UNC5B: variants seen among roughly 807,000 people sequenced by gnomAD.
The protein encoded by UNC5B is unc-5 netrin receptor B, also known as netrin receptor UNC5B.
In UNC5B, 56 loss-of-function variants were observed where a neutral mutation model predicts 103.7. The ratio of observed to expected loss-of-function variants is 0.54; its 90% confidence interval spans 0.44 to 0.67. UNC5B has a LOEUF of 0.67. Among genes scored for constraint, UNC5B ranks in the 30% least tolerant of loss-of-function variants. UNC5B has a pLI of 0.00. For synonymous variants in UNC5B, 577 were observed against 542.0 expected, an observed-to-expected ratio of 1.06 and a Z score of -0.90; for missense variants, 1,194 against 1,284.5, an observed-to-expected ratio of 0.93 and a Z score of 1.08.
At position 71,213,728 on chromosome 10, in the gene UNC5B, A is replaced by AGAGAGAGTGTGTGTGT. The variant is rs144371231; in HGVS notation, c.79+665_79+666insAGAGAGTGTGTGTGTG. On this transcript the variant is annotated intron_variant, in intron 1 of 16. Transcript: ENST00000335350. This position sits in a 1 kb window ranked among gnomAD's most constrained non-coding sequence, Gnocchi z 4.1. ...ATTATTAATTTTCTGAGTGTTGGAG[A>AGAGAGAGTGTGTGTGT]GTGTGTGTGTGTGTGTGTGTGTGTG... Among the ~76,000 whole-genome samples, 1 of 131,474 alleles carries AGAGAGAGTGTGTGTGT rather than the reference A, an allele frequency of 7.6e-6. No individual in the cohort carries two copies. Among genetic ancestry groups the AGAGAGAGTGTGTGTGT allele is most frequent in the African/African-American group, 2.9e-5 (1 of 34,208 alleles). The allele number at this position is 131,474 out of a possible 152,430, so 86.3% of individuals were successfully genotyped here.
In UNC5B at chr10:71,287,729, G is replaced by A. The variant is rs759786367; in HGVS notation, c.865G>A (p.Ala289Thr). The A allele has an allele frequency of 1.2e-6, 2 of 1,612,876 alleles. No homozygotes were observed. The highest frequency in any genetic ancestry group is 1.7e-6 in the Non-Finnish European group (2 of 1,179,356). ...CGGAGGGGCCTTCTGCGAGGGCCAGGCATTCCAGAAGACCGCCTGCACCAC... is the reference window on the plus strand; with the variant it reads ...CGGAGGGGCCTTCTGCGAGGGCCAGACATTCCAGAAGACCGCCTGCACCAC... ...LNGGAFCEGQAFQKTACTTIC... is the reference protein window; with the variant it reads ...LNGGAFCEGQTFQKTACTTIC... Residue 289 changes from alanine (A) to threonine (T), a missense_variant, in exon 6 of 17, where the codon GCA (alanine) becomes ACA (threonine). Transcript: ENST00000335350.
rs1229978733 is a variant in UNC5B at position 71,288,656 on chromosome 10, A to T, written c.990A>T (p.Pro330=). Residue 330 remains proline, a synonymous_variant, in exon 7 of 17, where the codon CCA becomes CCT. Coordinates refer to ENST00000335350, the MANE Select transcript of UNC5B (RefSeq NM_170744.5). ...HWRSRECMAP[P]PQNGGRDCSG... ...GTAGCCGCGAGTGCATGGCGCCCCCACCCCAGAACGGAGGCCGTGACTGCA... is the reference window on the plus strand; with the variant it reads ...GTAGCCGCGAGTGCATGGCGCCCCCTCCCCAGAACGGAGGCCGTGACTGCA... 1.9e-6 allele frequency: 3 copies of T among 1,613,154 alleles called. No individual in the cohort carries two copies. In the Admixed American group the frequency reaches 5.0e-5, roughly 27 times the overall value.
intron 1 of UNC5B, among the ~76,000 whole-genome samples, chr10:71,245,378 T>C (rs1844006037): frequency 6.6e-6 from 1 of 152,180 alleles, no homozygotes; most frequent in South Asian, 2.1e-4. Context: ...AGCTCTGTCT[T>C]ATTGATGGGG....
intron 1 of UNC5B, among the ~76,000 whole-genome samples, chr10:71,225,484 T>A (rs149866555): frequency 5.3e-5 from 8 of 152,126 alleles, no homozygotes; most frequent in African/African-American, 1.9e-4. Flanking sequence ...CCTGACCCCA[T>A]TGCACACCCC....
chr10:71,235,059 C>G (rs1227197579), intron 1 of UNC5B, among the ~76,000 whole-genome samples: 1 of 152,178 alleles, frequency 6.6e-6, no homozygotes, highest in Non-Finnish European at 1.5e-5. Context: ...AATGCCGGGC[C>G]CCTATTGCAG....
In UNC5B at chr10:71,300,269, G is replaced by A. The variant is rs1017084869; in HGVS notation, c.*992G>A. On this transcript the variant is annotated 3_prime_UTR_variant, in exon 17 of 17. Transcript: ENST00000335350. ...GATGCTGAATCCATAAAGCCAAGGAGTGCTGAGGGCTGGAGTGGGTGGGCC... is the reference window on the plus strand; with the variant it reads ...GATGCTGAATCCATAAAGCCAAGGAATGCTGAGGGCTGGAGTGGGTGGGCC... 2.0e-5 allele frequency: 3 copies of A among 152,224 alleles called. No individual in the cohort carries two copies. The East Asian group carries it at 5.8e-4, about 29-fold the overall frequency. 9.4% of individuals were successfully genotyped at this position (152,224 alleles called of 1,614,324 possible). A position where few individuals can be genotyped will look rare whatever the true frequency, so the allele number is the denominator to read the frequency against.
At chr10:71,292,176 G>A (rs972741709) in intron 10 of UNC5B, among the ~76,000 whole-genome samples, 38 of 152,296 alleles carry the variant, frequency 2.5e-4, no homozygotes, top group Admixed American at 2.5e-3. Context: ...TGCAAAGCCA[G>A]CAATTAACAG....
Position 71,296,956 on chromosome 10 carries a change from G to C in UNC5B, c.2490+214G>C, listed in dbSNP as rs543548963. ...ACGCTGGCGGAGGTGAGGGAAGGGC[G>C]GCCAGATATTCCGGCTGCACACCAC... On this transcript the variant is annotated intron_variant, in intron 15 of 16. Coordinates refer to ENST00000335350, the MANE Select transcript of UNC5B (RefSeq NM_170744.5). Among the ~76,000 whole-genome samples the C allele has an allele frequency of 5.0e-5, 7 of 139,848 alleles. No homozygotes were observed. The East Asian group carries it at 6.5e-4, about 13-fold the overall frequency. The allele number at this position is 139,848 out of a possible 152,430, so 91.7% of individuals were successfully genotyped here.
At chr10:71,236,343 C>T (rs758034684) in intron 1 of UNC5B, among the ~76,000 whole-genome samples, 5 of 152,202 alleles carry the variant, frequency 3.3e-5, no homozygotes, top group Admixed American at 6.5e-5. Flanking sequence ...CCCAGCATCC[C>T]TTGCCATGCC....
At position 71,212,792 on chromosome 10, in the gene UNC5B, C is replaced by T. The variant is rs1395607639; in HGVS notation, c.-194C>T. The T allele has an allele frequency of 1.1e-5, 4 of 379,116 alleles. No individual in the cohort carries two copies. In the East Asian group the frequency reaches 1.2e-4, roughly 11 times the overall value. 23.5% of individuals were successfully genotyped at this position (379,116 alleles called of 1,614,324 possible). On this transcript the variant is annotated 5_prime_UTR_variant, in exon 1 of 17. Coordinates refer to ENST00000335350, the MANE Select transcript of UNC5B (RefSeq NM_170744.5). Reference sequence around the variant, plus strand: ...TCGTTCGAGAGCCGGCGCCAGGCACCCACCGCGCTCCGAGTGCCAGGCGGC... The same window carrying T: ...TCGTTCGAGAGCCGGCGCCAGGCACTCACCGCGCTCCGAGTGCCAGGCGGC...
At chr10:71,270,358 G>A (rs1308220195) in intron 1 of UNC5B, among the ~76,000 whole-genome samples, 1 of 139,752 alleles carries the variant, frequency 7.2e-6, no homozygotes, top group African/African-American at 2.7e-5. Context: ...GAGGGAGGGA[G>A]GGAGGGAGGG....
At chr10:71,217,630 G>A (rs533365957) in intron 1 of UNC5B, 2 of 152,456 alleles carry the variant, frequency 1.3e-5, no homozygotes, top group South Asian at 4.1e-4. Context: ...CCGGTCTTCG[G>A]GGATGCTAAT....
At chr10:71,278,652 T>A (rs2132297273) in intron 1 of UNC5B, among the ~76,000 whole-genome samples, 1 of 152,356 alleles carries the variant, frequency 6.6e-6, no homozygotes, top group South Asian at 2.1e-4. Flanking sequence ...GAGCCAGATG[T>A]GGCCTCCTAG....
chr10:71,287,540 G>T, intron 5 of UNC5B, 58 bp from the exon 6 acceptor site: 2 of 1,527,130 alleles, frequency 1.3e-6, no homozygotes, highest in Non-Finnish European at 1.8e-6. Flanking sequence ...GGACGGGTTT[G>T]GGGGAGGGCA....
At chr10:71,240,017 G>T (rs528839817) in intron 1 of UNC5B, among the ~76,000 whole-genome samples, 3 of 152,188 alleles carry the variant, frequency 2.0e-5, no homozygotes, top group Non-Finnish European at 2.9e-5. Flanking sequence ...GGCTCCAGGC[G>T]GGTGAGGGAA....
intron 1 of UNC5B, among the ~76,000 whole-genome samples, chr10:71,253,920 T>A (rs1844232518): frequency 6.6e-6 from 1 of 152,160 alleles, no homozygotes; most frequent in East Asian, 1.9e-4. Flanking sequence ...GGGACCCCCT[T>A]CTGGTTCCAG....
chr10:71,265,231 T>C (rs1170801447), intron 1 of UNC5B, among the ~76,000 whole-genome samples: 1 of 152,162 alleles, frequency 6.6e-6, no homozygotes, highest in African/African-American at 2.4e-5. Flanking sequence ...AATTACCTGC[T>C]AGCACTGAAG....
In UNC5B at chr10:71,302,789, A is replaced by G. The variant is rs1845608974; in HGVS notation, c.*3512A>G. 1 of 152,190 alleles carries G rather than the reference A, an allele frequency of 6.6e-6. No homozygotes were observed. The highest frequency in any genetic ancestry group is 2.4e-5 in the African/African-American group (1 of 41,438). 9.4% of individuals were successfully genotyped at this position (152,190 alleles called of 1,614,324 possible). The stretch of plus-strand genomic sequence containing the variant: ...CTGTTTATTCTGTAAACTGCAACCT[A>G]TAAATAACCTTTAGCATTCCTATTG... On this transcript the variant is annotated 3_prime_UTR_variant, in exon 17 of 17. Transcript: ENST00000335350.
chr10:71,248,612 C>G (rs1047280828), intron 1 of UNC5B, among the ~76,000 whole-genome samples: 6 of 152,042 alleles, frequency 3.9e-5, no homozygotes, highest in Middle Eastern at 3.2e-3. Context: ...TGTAACAACC[C>G]CCAGTAGACC....
Sources: gnomAD v4.1 joint callset for allele counts (sites outside exome capture counted in the v4.1 genomes callset) on GRCh38, gnomAD v4.1.1 for gene constraint, Gnocchi (gnomAD v3.1) non-coding constraint, MANE v1.5 for transcripts, NCBI Gene and HGNC (gene_info 2026-07-23, HGNC 2026-07-21) for gene names.